The following DGKB variants were observed in gnomAD, a reference collection of about 807,000 sequenced individuals.
DGKB encodes the protein 90 kDa diacylglycerol kinase.
DGKB carries 67 observed loss-of-function variants against 114.3 expected under a neutral mutation model. The ratio of observed to expected loss-of-function variants is 0.59; its 90% CI spans 0.48 to 0.72. The LOEUF (loss-of-function observed/expected upper bound fraction) is 0.72. Among genes scored for constraint, DGKB ranks in the 30% least tolerant of loss-of-function variants. The probability of loss-of-function intolerance (pLI) is 0.00; values close to 1 mark genes in which losing one functional copy is unlikely to be tolerated. For missense variants in DGKB, 907 were observed against 975.2 expected (o/e 0.93, Z 0.93); for synonymous variants, 398 against 323.1 (o/e 1.23, Z -2.49).
At chr7:14,492,239 A>G (rs1035732683) in intron 20 of DGKB, among the ~76,000 whole-genome samples, 4 of 151,998 alleles carry the variant, frequency 2.6e-5, no homozygotes, top group African/African-American at 9.7e-5. Flanking sequence ...GGACTTTCCT[A>G]TGGGCAGTAG....
At chr7:14,722,827 T>A (rs1829402846) in intron 5 of DGKB, among the ~76,000 whole-genome samples, 1 of 151,612 alleles carries the variant, frequency 6.6e-6, no homozygotes, top group Non-Finnish European at 1.5e-5. Context: ...AATAAATAAA[T>A]AAATAAAAAT....
At chr7:14,816,133 C>A (rs1335463421) in intron 2 of DGKB, among the ~76,000 whole-genome samples, 2 of 152,046 alleles carry the variant, frequency 1.3e-5, no homozygotes, top group Admixed American at 6.6e-5. Flanking sequence ...GAGGGCGAGA[C>A]CAGCCTGGCT....
intron 1 of DGKB, among the ~76,000 whole-genome samples, chr7:14,912,380 A>G (rs1480914830): frequency 6.6e-6 from 1 of 152,140 alleles, no homozygotes; most frequent in East Asian, 1.9e-4. Context: ...ATTTTCCTGC[A>G]ATAAGAACAT....
chr7:14,638,475 A>G lies in DGKB; in HGVS notation c.1135-8207T>C, dbSNP rs533778735. Among the ~76,000 whole-genome samples, 3 of 152,090 alleles carry G rather than the reference A, an allele frequency of 2.0e-5. No homozygotes were observed. The South Asian group carries it at 6.2e-4, about 32-fold the overall frequency. On this transcript the variant is annotated intron_variant, in intron 13 of 25. Coordinates refer to ENST00000402815, the MANE Select transcript of DGKB (RefSeq NM_001350709.2). Reference sequence around the variant, plus strand: ...TTACTGTCTGATATATTTTTTCTTGACTCAGGGAAAAGAGTGATAAATGAT... The same window carrying G: ...TTACTGTCTGATATATTTTTTCTTGGCTCAGGGAAAAGAGTGATAAATGAT...
chr7:14,333,441 A>G (rs1369018050), intron 23 of DGKB, among the ~76,000 whole-genome samples: 1 of 147,210 alleles, frequency 6.8e-6, no homozygotes, highest in African/African-American at 2.5e-5. Context: ...AGCCTGGGCA[A>G]CAGAGTGAGA....
intron 23 of DGKB, among the ~76,000 whole-genome samples, chr7:14,218,727 A>G (rs983198916): frequency 6.6e-6 from 1 of 152,012 alleles, no homozygotes; most frequent in Non-Finnish European, 1.5e-5. Context: ...TTCCCGGGAC[A>G]GAGTTTTTTT....
At chr7:14,169,331 C>T (rs1241118755) in intron 25 of DGKB, among the ~76,000 whole-genome samples, 2 of 143,792 alleles carry the variant, frequency 1.4e-5, no homozygotes, top group East Asian at 4.1e-4. Context: ...CACCATTGCA[C>T]TCCAGCCTGG....
intron 23 of DGKB, among the ~76,000 whole-genome samples, chr7:14,228,287 G>C (rs1791145695): frequency 6.6e-6 from 1 of 152,014 alleles, no homozygotes; most frequent in Non-Finnish European, 1.5e-5. Flanking sequence ...TGACAACAGT[G>C]AAGGACAAAG....
At chr7:14,942,655 C>A (rs955267929) in intron 1 of DGKB, among the ~76,000 whole-genome samples, 6 of 151,924 alleles carry the variant, frequency 3.9e-5, no homozygotes, top group Non-Finnish European at 7.4e-5. Context: ...TCTTTCTGTT[C>A]CCTGAACTCT....
chr7:14,326,368 A>G (rs1332215569), intron 23 of DGKB, among the ~76,000 whole-genome samples: 3 of 152,128 alleles, frequency 2.0e-5, no homozygotes, highest in Non-Finnish European at 2.9e-5. Context: ...AAAAAATGAA[A>G]GAAAAGTCAG....
At chr7:14,158,854 CCTT>C (rs908590210) in intron 25 of DGKB, among the ~76,000 whole-genome samples, 3 of 152,074 alleles carry the variant, frequency 2.0e-5, no homozygotes, top group Non-Finnish European at 4.4e-5. Flanking sequence ...ATCCTTGACA[CCTT>C]CTTTTCCTTA....
At chr7:14,607,798 C>T (rs183837621) in intron 16 of DGKB, among the ~76,000 whole-genome samples, 3 of 151,742 alleles carry the variant, frequency 2.0e-5, no homozygotes, top group East Asian at 1.9e-4. Context: ...TTCTCTAACC[C>T]GCTTTTGAAC....
At chr7:14,934,113 G>C (rs1005310070) in intron 1 of DGKB, among the ~76,000 whole-genome samples, 2 of 152,100 alleles carry the variant, frequency 1.3e-5, no homozygotes, top group Non-Finnish European at 2.9e-5. Context: ...CTGAGCATTT[G>C]AATGACTTGT....
intron 25 of DGKB, among the ~76,000 whole-genome samples, chr7:14,149,963 C>T (rs994814779): frequency 2.6e-5 from 4 of 152,076 alleles, no homozygotes; most frequent in Admixed American, 1.3e-4. Flanking sequence ...AAGTAGATTA[C>T]GTCTGCAATT....
At chr7:14,259,396 T>A (rs1278495810) in intron 23 of DGKB, among the ~76,000 whole-genome samples, 1 of 97,604 alleles carries the variant, frequency 1.0e-5, no homozygotes, top group Non-Finnish European at 2.3e-5. Context: ...TCTCTCTCTC[T>A]CTCTCTCTCT....
chr7:14,904,160 T>C (rs1394679577), upstream of DGKB, among the ~76,000 whole-genome samples: 1 of 152,164 alleles, frequency 6.6e-6, no homozygotes, highest in Non-Finnish European at 1.5e-5. Context: ...GCTCTAGTAA[T>C]AGTCTGTCTT....
At chr7:14,536,856 A>C (rs1329130756) in intron 20 of DGKB, among the ~76,000 whole-genome samples, 1 of 152,012 alleles carries the variant, frequency 6.6e-6, no homozygotes, top group African/African-American at 2.4e-5. Context: ...AACAACAACA[A>C]GGCATCCAAA....
chr7:14,600,632 G>A (rs1274719778), intron 17 of DGKB, among the ~76,000 whole-genome samples: 3 of 152,112 alleles, frequency 2.0e-5, no homozygotes, highest in Admixed American at 6.5e-5. Flanking sequence ...CGATAGAATG[G>A]ACAATACCAT....
At chr7:14,599,601 T>G (rs865972545) in intron 17 of DGKB, among the ~76,000 whole-genome samples, 1 of 152,214 alleles carries the variant, frequency 6.6e-6, no homozygotes, top group Admixed American at 6.5e-5. Context: ...ACTCCTTGTT[T>G]ACATTCCCTG....
Sources: allele counts gnomAD v4.1 joint callset (sites outside exome capture counted in the v4.1 genomes callset), GRCh38; gene constraint gnomAD v4.1.1; transcripts MANE v1.5; gene names NCBI Gene and HGNC (gene_info 2026-07-23, HGNC 2026-07-21).